Variants in CDH4 observed in about 807,000 individuals in gnomAD.
CDH4 encodes cadherin 4.
In CDH4, 33 loss-of-function variants were observed where a neutral mutation model predicts 86.0. That is an observed-to-expected ratio of 0.38 (90% CI 0.29 to 0.51). The LOEUF is 0.51. CDH4 is among the 20% of genes least tolerant of loss of function. The probability of loss-of-function intolerance (pLI) is 0.86; values close to 1 mark genes in which losing one functional copy is unlikely to be tolerated. For synonymous variants in CDH4, 555 were observed against 549.4 expected, an observed-to-expected ratio of 1.01 and a Z score of -0.14; for missense variants, 1,114 against 1,307.4, an observed-to-expected ratio of 0.85 and a Z score of 2.28.
At chr20:61,932,502 G>A (rs773611863) in intron 13 of CDH4, among the ~76,000 whole-genome samples, 1 of 152,074 alleles carries the variant, frequency 6.6e-6, no homozygotes, top group Non-Finnish European at 1.5e-5. Context: ...ACAGACACAC[G>A]AAGTACACAT....
intron 2 of CDH4, among the ~76,000 whole-genome samples, chr20:61,414,690 C>G (rs890557967): frequency 6.6e-6 from 1 of 152,180 alleles, no homozygotes; most frequent in African/African-American, 2.4e-5. Context: ...CTCATCCTGT[C>G]CTTAGGGCAG....
chr20:61,352,443 A>C (rs1349883307), intron 2 of CDH4, among the ~76,000 whole-genome samples: 3 of 152,172 alleles, frequency 2.0e-5, no homozygotes, highest in Non-Finnish European at 4.4e-5. Flanking sequence ...CACGTCTGAA[A>C]ATGTGGCAAA....
intron 2 of CDH4, among the ~76,000 whole-genome samples, chr20:61,498,048 G>A (rs2085674768): frequency 7.8e-6 from 1 of 128,170 alleles, no homozygotes; most frequent in Admixed American, 9.2e-5. Flanking sequence ...CACACACAGG[G>A]GCCTGTCATG....
At chr20:61,824,303 C>A (rs1981205719) in intron 4 of CDH4, among the ~76,000 whole-genome samples, 1 of 151,160 alleles carries the variant, frequency 6.6e-6, no homozygotes, top group Admixed American at 6.6e-5. Context: ...TCATGGATAA[C>A]TGGTATGGCT....
At chr20:61,903,016 C>CAA (rs58490650) in intron 8 of CDH4, among the ~76,000 whole-genome samples, 104 of 83,070 alleles carry the variant, frequency 1.3e-3, no homozygotes, top group African/African-American at 3.1e-3. Context: ...AAGACTGTCT[C>CAA]AAAAAAAAAA....
intron 2 of CDH4, among the ~76,000 whole-genome samples, chr20:61,382,774 G>A (rs2084911431): frequency 6.6e-6 from 1 of 152,044 alleles, no homozygotes; most frequent in East Asian, 1.9e-4. Flanking sequence ...CTTCTTGAGA[G>A]GTCACCTATC....
intron 2 of CDH4, among the ~76,000 whole-genome samples, chr20:61,534,260 T>C (rs1600735867): frequency 1.3e-5 from 2 of 152,224 alleles, no homozygotes; most frequent in Non-Finnish European, 2.9e-5. Context: ...CCATTTTTTC[T>C]TGTCATGTCT....
chr20:61,291,804 C>T (rs540776390), intron 2 of CDH4, among the ~76,000 whole-genome samples: 136 of 152,252 alleles, frequency 8.9e-4, no homozygotes, highest in South Asian at 3.3e-3. Flanking sequence ...CAGGTTAACA[C>T]GTGTCACAAG....
intron 2 of CDH4, among the ~76,000 whole-genome samples, chr20:61,497,541 A>G (rs1414046527): frequency 1.3e-5 from 2 of 152,202 alleles, no homozygotes; most frequent in Non-Finnish European, 2.9e-5. Flanking sequence ...GGCGATCATT[A>G]AAAAGTCAGG....
chr20:61,319,953 T>TA (rs5842349), intron 2 of CDH4, among the ~76,000 whole-genome samples: 25,801 of 145,282 alleles, frequency 0.18, 2,328 homozygotes, highest in Middle Eastern at 0.35. Context: ...AGACTCCATC[T>TA]AAAAAAAAAA....
In CDH4 at chr20:61,902,029, A is replaced by C. The variant is rs577646636; in HGVS notation, c.1188+6982A>C. 6.6e-6 allele frequency among the ~76,000 whole-genome samples: 1 copy of C among 152,202 alleles called. No individual in the cohort carries two copies. Among genetic ancestry groups the C allele is most frequent in the African/African-American group, 2.4e-5 (1 of 41,448 alleles). ...GGGACAGACAAAAATTAAGTACAGC[A>C]GCAAATCACCAAGATGCAGTCCTGC... On this transcript the variant is annotated intron_variant, in intron 8 of 15. Coordinates refer to ENST00000614565, the MANE Select transcript of CDH4 (RefSeq NM_001794.5). This position sits in a 1 kb window ranked among gnomAD's most constrained non-coding sequence, Gnocchi z 4.6.
intron 4 of CDH4, among the ~76,000 whole-genome samples, chr20:61,800,219 A>G (rs913681149): frequency 6.6e-6 from 1 of 152,322 alleles, no homozygotes; most frequent in Non-Finnish European, 1.5e-5. Flanking sequence ...AAAGCCCCGA[A>G]GACCAGACCG....
chr20:61,454,720 C>T (rs1295071976), intron 2 of CDH4, among the ~76,000 whole-genome samples: 3 of 152,276 alleles, frequency 2.0e-5, no homozygotes, highest in East Asian at 3.9e-4. Context: ...GCTGAGATTA[C>T]AGGCATGAGC....
chr20:61,465,942 C>T (rs1484191305), intron 2 of CDH4, among the ~76,000 whole-genome samples: 1 of 151,002 alleles, frequency 6.6e-6, no homozygotes, highest in Non-Finnish European at 1.5e-5. Flanking sequence ...TTCCAAATTA[C>T]TCTGCCTGCC....
At chr20:61,338,680 C>G (rs951267895) in intron 2 of CDH4, among the ~76,000 whole-genome samples, 2 of 152,158 alleles carry the variant, frequency 1.3e-5, no homozygotes, top group Admixed American at 1.3e-4. Context: ...TAATACCAAG[C>G]ACTTGCCCAA....
intron 2 of CDH4, among the ~76,000 whole-genome samples, chr20:61,376,293 G>A (rs941806289): frequency 5.3e-5 from 8 of 152,020 alleles, no homozygotes; most frequent in South Asian, 2.1e-4. Flanking sequence ...CCCTGAGACC[G>A]GCCACAAAAG....
intron 2 of CDH4, among the ~76,000 whole-genome samples, chr20:61,421,613 T>C (rs1465073593): frequency 6.6e-6 from 1 of 152,160 alleles, no homozygotes; most frequent in Non-Finnish European, 1.5e-5. Flanking sequence ...AGCTCTACAC[T>C]TAAGATGTGC....
chr20:61,668,868 A>T (rs971289340), intron 2 of CDH4, among the ~76,000 whole-genome samples: 1 of 152,180 alleles, frequency 6.6e-6, no homozygotes, highest in African/African-American at 2.4e-5. Context: ...CGTACTTAGG[A>T]TCCACCAGCA....
chr20:61,605,344 T>C (rs2086634985), intron 2 of CDH4, among the ~76,000 whole-genome samples: 1 of 152,068 alleles, frequency 6.6e-6, no homozygotes, highest in Admixed American at 6.5e-5. Flanking sequence ...TCTGTGTGTC[T>C]CTCTCTGTCT....
Sources: allele counts gnomAD v4.1 joint callset (sites outside exome capture counted in the v4.1 genomes callset), GRCh38; gene constraint gnomAD v4.1.1; non-coding constraint Gnocchi (gnomAD v3.1); transcripts MANE v1.5; gene names NCBI Gene and HGNC (gene_info 2026-07-23, HGNC 2026-07-21).